PTPRA: variants seen among roughly 807,000 people sequenced by gnomAD.
The protein encoded by PTPRA is protein tyrosine phosphatase receptor type A.
A neutral mutation model predicts 104.8 loss-of-function variants in PTPRA; 25 were observed. That is an observed-to-expected ratio of 0.24 (90% CI 0.17 to 0.33). The LOEUF (loss-of-function observed/expected upper bound fraction) is 0.33. PTPRA is among the 10% of genes least tolerant of loss of function. The pLI, the probability that PTPRA is intolerant of heterozygous loss-of-function variation, is 1.00. For synonymous variants in PTPRA, 323 were observed against 368.9 expected (o/e 0.88, Z 1.43); for missense variants, 765 against 1,015.3 (o/e 0.75, Z 3.35).
At chr20:2,870,252 C>A (rs1332490926), upstream of PTPRA, among the ~76,000 whole-genome samples, 3 of 151,974 alleles carry the variant, frequency 2.0e-5, no homozygotes, top group Non-Finnish European at 4.4e-5. Flanking sequence ...CCTGTAATCC[C>A]AGCTACTCGG....
Position 3,035,945 on chromosome 20 carries a change from T to A in PTPRA, c.2198+4T>A, listed in dbSNP as rs772144365. 6.2e-7 allele frequency: 1 copy of A among 1,613,364 alleles called. No homozygotes were observed. Among genetic ancestry groups the A allele is most frequent in the Non-Finnish European group, 8.5e-7 (1 of 1,180,030 alleles). On this transcript the variant is annotated splice_donor_region_variant and intron_variant, in intron 22 of 23. Coordinates refer to ENST00000399903, the MANE Select transcript of PTPRA (RefSeq NM_001385305.1). The surrounding 1 kb of genome is among the most constrained non-coding windows in gnomAD (Gnocchi z 5.8). ...ACCCCATCACCGTGCACTGCAGGTA[T>A]GGCTCACCCTTGCCCTCAGCGGGAG...
At chr20:2,923,405 ATT>A (rs944217214) in intron 2 of PTPRA, 120 bp downstream of exon 2, 2 of 569,786 alleles carry the variant, frequency 3.5e-6, no homozygotes, top group Admixed American at 4.2e-5. Flanking sequence ...AGAGTAGCTT[ATT>A]TTTTTATTAT....
intron 20 of PTPRA, among the ~76,000 whole-genome samples, chr20:3,033,570 T>C (rs1385633342): frequency 6.6e-6 from 1 of 152,036 alleles, no homozygotes; most frequent in Non-Finnish European, 1.5e-5. Context: ...CTGCTGGTCC[T>C]TTTGAAAATA....
intron 2 of PTPRA, among the ~76,000 whole-genome samples, chr20:2,936,871 T>G (rs1163843845): frequency 1.3e-5 from 2 of 152,206 alleles, no homozygotes; most frequent in Non-Finnish European, 2.9e-5. Flanking sequence ...ACTTTGGATT[T>G]AAATTTGCCA....
the PTPRA span, chr20:2,864,649 G>A: frequency 6.2e-7 from 1 of 1,614,018 alleles, no homozygotes; most frequent in South Asian, 1.1e-5. The surrounding 1 kb of genome is among the most constrained non-coding windows in gnomAD (Gnocchi z 5.2). Context: ...CTATGCTGCA[G>A]AAGAGGTCTG....
intron 9 of PTPRA, among the ~76,000 whole-genome samples, chr20:2,989,849 C>G (rs376389108): frequency 3.2e-4 from 48 of 152,192 alleles, no homozygotes; most frequent in East Asian, 2.3e-3. Flanking sequence ...AACCCTGTCT[C>G]TACTAAAAAT....
chr20:2,967,615 CT>C (rs1467307182), intron 5 of PTPRA, among the ~76,000 whole-genome samples: 1 of 152,184 alleles, frequency 6.6e-6, no homozygotes, highest in Non-Finnish European at 1.5e-5. Flanking sequence ...AATCCCAGCA[CT>C]TTGGGAGGCC....
chr20:2,921,566 C>T (rs2060097348), intron 1 of PTPRA, among the ~76,000 whole-genome samples: 1 of 152,058 alleles, frequency 6.6e-6, no homozygotes, highest in African/African-American at 2.4e-5. Context: ...TTTATTGGGA[C>T]TCTTTTTTCC....
At chr20:2,976,075 G>A (rs1262706317) in intron 6 of PTPRA, among the ~76,000 whole-genome samples, 1 of 152,078 alleles carries the variant, frequency 6.6e-6, no homozygotes. Flanking sequence ...TCAGAAAAGT[G>A]GGTACTCTCT....
chr20:3,020,044 G>A (rs902237784), intron 13 of PTPRA, among the ~76,000 whole-genome samples: 112 of 152,176 alleles, frequency 7.4e-4, no homozygotes, highest in African/African-American at 2.6e-3. Flanking sequence ...GCTTCGGCTC[G>A]GCATCGGAGG....
chr20:3,026,931 C>T (rs929222002), intron 18 of PTPRA, 151 bp downstream of exon 18: 4 of 933,420 alleles, frequency 4.3e-6, no homozygotes, highest in Non-Finnish European at 6.6e-6. Flanking sequence ...CATGGCGTTG[C>T]CTTTTGTTGC....
intron 20 of PTPRA, among the ~76,000 whole-genome samples, chr20:3,029,565 G>C (rs1487523945): frequency 4.5e-5 from 1 of 22,242 alleles, no homozygotes; most frequent in Non-Finnish European, 6.5e-5. Flanking sequence ...TTTTGAGACG[G>C]AGTCTCTGTC....
At chr20:2,913,656 G>C (rs564692535) in intron 1 of PTPRA, among the ~76,000 whole-genome samples, 1 of 127,834 alleles carries the variant, frequency 7.8e-6, no homozygotes, top group Non-Finnish European at 1.8e-5. Context: ...CACATAAATT[G>C]TGCTGTGTTC....
At chr20:2,992,967 T>G (rs1600224874) in intron 9 of PTPRA, among the ~76,000 whole-genome samples, 1 of 152,158 alleles carries the variant, frequency 6.6e-6, no homozygotes, top group Non-Finnish European at 1.5e-5. Flanking sequence ...CACCCGTAGT[T>G]CCAGCTACTG....
At chr20:2,894,670 C>T (rs2058925220) in intron 1 of PTPRA, among the ~76,000 whole-genome samples, 1 of 151,878 alleles carries the variant, frequency 6.6e-6, no homozygotes, top group Admixed American at 6.6e-5. Context: ...TGTGAAAGGA[C>T]TGTCAAAGAT....
chr20:3,006,318 C>T (rs36103850), intron 10 of PTPRA, among the ~76,000 whole-genome samples: 3,167 of 152,208 alleles, frequency 0.021, 91 homozygotes, highest in African/African-American at 0.064. Flanking sequence ...TGCTGAGTAA[C>T]TAGAACTACA....
intron 1 of PTPRA, among the ~76,000 whole-genome samples, chr20:2,907,355 C>A (rs1234810796): frequency 6.6e-6 from 1 of 151,646 alleles, no homozygotes; most frequent in Non-Finnish European, 1.5e-5. Context: ...GCTCAGCCGT[C>A]AAACTGCTGT....
intron 9 of PTPRA, among the ~76,000 whole-genome samples, chr20:2,992,968 C>A (rs1280770243): frequency 6.6e-6 from 1 of 152,180 alleles, no homozygotes; most frequent in Admixed American, 6.5e-5. Flanking sequence ...ACCCGTAGTT[C>A]CAGCTACTGG....
At chr20:2,949,588 G>A (rs1021106369) in intron 3 of PTPRA, among the ~76,000 whole-genome samples, 1 of 151,954 alleles carries the variant, frequency 6.6e-6, no homozygotes, top group African/African-American at 2.4e-5. Context: ...CACTGTGCCT[G>A]GCCAAATTTC....
Sources: allele counts gnomAD v4.1 joint callset (sites outside exome capture counted in the v4.1 genomes callset), GRCh38; gene constraint gnomAD v4.1.1; non-coding constraint Gnocchi (gnomAD v3.1); transcripts MANE v1.5; gene names NCBI Gene and HGNC (gene_info 2026-07-23, HGNC 2026-07-21).